Variants in RUNX1 observed in about 807,000 individuals in gnomAD.
RUNX1 encodes RUNX family transcription factor 1, also known as runt-related transcription factor 1.
A neutral mutation model predicts 42.8 loss-of-function variants in RUNX1; 19 were observed. The observed-to-expected ratio is 0.44, with a 90% CI of 0.31 to 0.65. RUNX1 has a LOEUF of 0.65. Ranked by LOEUF, RUNX1 falls within the 30% of genes least tolerant of loss-of-function variation. RUNX1 has a pLI of 0.07. For synonymous variants in RUNX1, 271 were observed against 289.4 expected, an observed-to-expected ratio of 0.94 and a Z score of 0.64; for missense variants, 528 against 672.0, an observed-to-expected ratio of 0.79 and a Z score of 2.37.
At chr21:35,043,035 A>G (rs2059370690) in intron 2 of RUNX1, among the ~76,000 whole-genome samples, 1 of 152,140 alleles carries the variant, frequency 6.6e-6, no homozygotes, top group Non-Finnish European at 1.5e-5. Context: ...CCCAACAAAG[A>G]GTGAAGCCTG....
At chr21:34,842,492 C>CAAAAAAA (rs371971118) in intron 6 of RUNX1, among the ~76,000 whole-genome samples, 4 of 52,200 alleles carry the variant, frequency 7.7e-5, no homozygotes, top group Non-Finnish European at 9.7e-5. Context: ...GAGACCTCTC[C>CAAAAAAA]AAAAAAAAAA....
At chr21:35,041,261 A>G (rs2059357237) in intron 2 of RUNX1, among the ~76,000 whole-genome samples, 1 of 152,256 alleles carries the variant, frequency 6.6e-6, no homozygotes, top group Admixed American at 6.5e-5. Flanking sequence ...CCCAATGGAC[A>G]TGTTTCAAGA....
chr21:34,962,116 C>T (rs1378747193), intron 2 of RUNX1, among the ~76,000 whole-genome samples: 1 of 152,188 alleles, frequency 6.6e-6, no homozygotes, highest in African/African-American at 2.4e-5. Context: ...TGGTTTCAAA[C>T]TCCTGGGCTT....
intron 2 of RUNX1, among the ~76,000 whole-genome samples, chr21:34,995,435 CTT>C (rs5843694): frequency 8.2e-4 from 67 of 82,078 alleles, no homozygotes; most frequent in Non-Finnish European, 1.1e-3. Flanking sequence ...TTTCTGGGAG[CTT>C]TTTTTTTTTT....
chr21:34,877,972 G>A (rs529913094), intron 5 of RUNX1, among the ~76,000 whole-genome samples: 7 of 152,164 alleles, frequency 4.6e-5, no homozygotes, highest in Non-Finnish European at 1.0e-4. Context: ...AGGGCCTTCT[G>A]AGCCATGGCG....
intron 7 of RUNX1, among the ~76,000 whole-genome samples, chr21:34,808,431 AC>A (rs2056712613): frequency 6.6e-6 from 1 of 152,086 alleles, no homozygotes; most frequent in East Asian, 1.9e-4. Flanking sequence ...TGCTTCCGGG[AC>A]CCGTATTCAT....
chr21:34,794,485 C>T (rs2056497138), intron 8 of RUNX1, among the ~76,000 whole-genome samples: 1 of 152,172 alleles, frequency 6.6e-6, no homozygotes, highest in Non-Finnish European at 1.5e-5. Context: ...AGATGTAGGA[C>T]CTTGATTTAT....
chr21:34,877,840 G>A (rs1005308898), intron 5 of RUNX1, among the ~76,000 whole-genome samples: 1 of 152,220 alleles, frequency 6.6e-6, no homozygotes. Context: ...GTCACAGAAA[G>A]AGAACTTCTT....
intron 7 of RUNX1, among the ~76,000 whole-genome samples, chr21:34,809,764 C>A (rs2056733464): frequency 6.6e-6 from 1 of 152,018 alleles, no homozygotes; most frequent in Non-Finnish European, 1.5e-5. Context: ...TGGGGCAGAT[C>A]ATGTTAAGTA....
At chr21:34,891,375 T>C (rs886596553) in intron 3 of RUNX1, among the ~76,000 whole-genome samples, 2 of 152,198 alleles carry the variant, frequency 1.3e-5, no homozygotes, top group Non-Finnish European at 1.5e-5. Context: ...GCGCAGGCTG[T>C]TAACTGCGCA....
intron 2 of RUNX1, among the ~76,000 whole-genome samples, chr21:35,017,417 C>T (rs1569152583): frequency 6.6e-6 from 1 of 152,152 alleles, no homozygotes; most frequent in Non-Finnish European, 1.5e-5. Context: ...CATCAATTTG[C>T]AGATGTCAGA....
rs9974463 is a variant in RUNX1 at position 35,020,229 on chromosome 21, G to A, written c.58+28613C>T. ...AGAAAGTTTTCATTAGTTCCTCCCC[G>A]ACCTTACTTTCCAGAGGACCTGGTA... On this transcript the variant is annotated intron_variant, in intron 2 of 8. Coordinates refer to ENST00000675419, the MANE Select transcript of RUNX1 (RefSeq NM_001754.5). 3.9e-3 allele frequency among the ~76,000 whole-genome samples: 598 copies of A among 151,678 alleles called. 2 individuals carry two copies. The highest frequency in any genetic ancestry group is 0.014 in the African/African-American group (558 of 41,306).
chr21:34,884,653 T>C (rs1255335182), intron 4 of RUNX1, among the ~76,000 whole-genome samples: 1 of 152,336 alleles, frequency 6.6e-6, no homozygotes, highest in East Asian at 1.9e-4. Flanking sequence ...TTTTATCCCT[T>C]CACGTTTACT....
At chr21:35,008,632 A>T (rs2059102912) in intron 2 of RUNX1, among the ~76,000 whole-genome samples, 1 of 152,264 alleles carries the variant, frequency 6.6e-6, no homozygotes, top group Non-Finnish European at 1.5e-5. Context: ...ATATTTGCTG[A>T]ATGTGCACTG....
chr21:34,821,641 G>A lies in RUNX1; in HGVS notation c.805+12769C>T, dbSNP rs1467934789. On this transcript the variant is annotated intron_variant, in intron 7 of 8. Transcript: ENST00000675419. ...ATAGCTCTATCCTGGCTGGGGAGAG[G>A]GATGGACAGAAGAACTGACTTCTGC... 2.6e-6 allele frequency: 4 copies of A among 1,563,666 alleles called. No individual in the cohort carries two copies. The East Asian group carries it at 9.5e-5, about 37-fold the overall frequency.
chr21:34,837,111 T>G (rs1412457948), intron 6 of RUNX1, among the ~76,000 whole-genome samples: 1 of 152,232 alleles, frequency 6.6e-6, no homozygotes, highest in Non-Finnish European at 1.5e-5. Context: ...TTGTAGTCAT[T>G]TATAGAGATT....
chr21:34,978,935 G>GATAT (rs1366067099), intron 2 of RUNX1, among the ~76,000 whole-genome samples: 7 of 39,192 alleles, frequency 1.8e-4, no homozygotes, highest in African/African-American at 6.9e-4. Flanking sequence ...CACACACACA[G>GATAT]ATACACACAC....
intron 2 of RUNX1, among the ~76,000 whole-genome samples, chr21:35,033,015 A>G (rs1377000717): frequency 6.6e-6 from 1 of 152,044 alleles, no homozygotes; most frequent in Non-Finnish European, 1.5e-5. Flanking sequence ...TCATCCATCC[A>G]TCTATCCATT....
intron 2 of RUNX1, among the ~76,000 whole-genome samples, chr21:34,981,245 T>C (rs1267228041): frequency 6.6e-6 from 1 of 152,220 alleles, no homozygotes; most frequent in Non-Finnish European, 1.5e-5. Flanking sequence ...ATGCTTCCCT[T>C]TGGAGTCCTT....
Sources: gnomAD v4.1 joint callset for allele counts (sites outside exome capture counted in the v4.1 genomes callset) on GRCh38, gnomAD v4.1.1 for gene constraint, MANE v1.5 for transcripts, NCBI Gene and HGNC (gene_info 2026-07-23, HGNC 2026-07-21) for gene names.